The following ANK3 variants were observed in gnomAD, a reference collection of about 807,000 sequenced individuals.
ANK3 encodes ankyrin-3.
In ANK3, 57 loss-of-function variants were observed where a neutral mutation model predicts 370.9. That is an observed-to-expected ratio of 0.15 (90% CI 0.12 to 0.19). The LOEUF (loss-of-function observed/expected upper bound fraction) is 0.19, where lower values mean the gene tolerates loss of function less well. Ranked by LOEUF, ANK3 falls within the 10% of genes least tolerant of loss-of-function variation. The probability of loss-of-function intolerance (pLI) is 1.00; values close to 1 mark genes in which losing one functional copy is unlikely to be tolerated. For synonymous variants in ANK3, 1,929 were observed against 1,946.3 expected, an observed-to-expected ratio of 0.99 and a Z score of 0.23; for missense variants, 4,439 against 5,302.1, an observed-to-expected ratio of 0.84 and a Z score of 5.06.
chr10:60,182,742 G>A (rs977850189), intron 17 of ANK3, among the ~76,000 whole-genome samples: 2 of 152,230 alleles, frequency 1.3e-5, no homozygotes, highest in African/African-American at 4.8e-5. Context: ...TGCAGAGAGA[G>A]TCAAGCTGGG....
At chr10:60,541,136 G>T (rs2076838107) in intron 2 of ANK3, among the ~76,000 whole-genome samples, 3 of 151,852 alleles carry the variant, frequency 2.0e-5, no homozygotes. Flanking sequence ...CTTCAGGAAA[G>T]AACATATAAT....
rs763281984 is a variant in ANK3, at chr10:60,579,326, T to TAAAA, written c.96+35856_96+35859dup. 3.2e-3 allele frequency among the ~76,000 whole-genome samples: 219 copies of TAAAA among 68,644 alleles called. 6 individuals carry two copies. The highest frequency in any genetic ancestry group is 9.3e-3 in the Middle Eastern group (1 of 108). 45.0% of individuals were successfully genotyped at this position (68,644 alleles called of 152,430 possible). On this transcript the variant is annotated intron_variant, in intron 2 of 43. Transcript: ENST00000373827. ...GCACCAGAGCGAGACTCTCTCTCAA[T>TAAAA]AAAAAAAAAAAAAAAAAAAAAAAAG...
Position 60,055,915 on chromosome 10 carries a change from A to G in ANK3, c.12808T>C (p.Ser4270Pro). Residue 4270 changes from serine (S) to proline (P), a missense_variant, in exon 42 of 44, where the codon TCC becomes CCC. This residue lies in a region of ANK3 where 242 missense variants were observed against 228.0 expected (regional missense o/e 1.06). Coordinates refer to ENST00000280772, the MANE Select transcript of ANK3 (RefSeq NM_020987.5). ...EAKTKSYFPE[S>P]QNDVGKQSTK... ...CTCTGTTTTCCTACATCATTTTGGG[A>G]TTCTGGAAAGTAAGATTTTGTCTTT... 2 of 1,614,002 alleles carry G rather than the reference A, an allele frequency of 1.2e-6. No individual in the cohort carries two copies. The highest frequency in any genetic ancestry group is 1.3e-5 in the African/African-American group (1 of 74,972).
intron 1 of ANK3, among the ~76,000 whole-genome samples, chr10:60,660,998 G>A (rs1354949044): frequency 3.9e-5 from 6 of 151,992 alleles, no homozygotes; most frequent in African/African-American, 1.4e-4. Flanking sequence ...ATATCAAGAA[G>A]TTTAGGCTTA....
intron 1 of ANK3, among the ~76,000 whole-genome samples, chr10:60,367,792 T>C (rs1284194362): frequency 6.6e-6 from 1 of 152,222 alleles, no homozygotes; most frequent in Non-Finnish European, 1.5e-5. Flanking sequence ...AGGCGAGCTT[T>C]CTCTTTAAAA....
intron 23 of ANK3, chr10:60,144,338 G>A (rs1482042663): frequency 1.4e-5 from 4 of 293,278 alleles, no homozygotes; most frequent in African/African-American, 2.3e-5. Flanking sequence ...TAAATGATGT[G>A]CATACACAAA....
At chr10:60,096,071 G>A (rs2090072107) in intron 28 of ANK3, among the ~76,000 whole-genome samples, 1 of 152,160 alleles carries the variant, frequency 6.6e-6, no homozygotes, top group East Asian at 1.9e-4. Flanking sequence ...CTATCGGGAG[G>A]CTGAGGCAGG....
At chr10:60,653,877 C>A (rs1455008336) in intron 1 of ANK3, among the ~76,000 whole-genome samples, 1 of 152,086 alleles carries the variant, frequency 6.6e-6, no homozygotes, top group East Asian at 1.9e-4. Context: ...CAAAAACAAA[C>A]AAAATTGCTT....
At chr10:60,044,524 T>C (rs7900212) in intron 42 of ANK3, 81,236 of 164,082 alleles carry the variant, frequency 0.5, 21,728 homozygotes, top group East Asian at 0.77. Context: ...GTCAACAACA[T>C]TCAAGCATTA....
At chr10:60,255,050 C>T (rs1281962873) in intron 7 of ANK3, among the ~76,000 whole-genome samples, 3 of 152,084 alleles carry the variant, frequency 2.0e-5, no homozygotes, top group Non-Finnish European at 4.4e-5. Flanking sequence ...TGGGAGAGAG[C>T]TATATTTTAT....
intron 23 of ANK3, chr10:60,145,817 A>AG: frequency 1.7e-6 from 1 of 574,918 alleles, no homozygotes. Context: ...CTTGAGGGCA[A>AG]GGGGGCTTTG....
intron 36 of ANK3, 22 bp from the exon 37 acceptor site, chr10:60,076,470 G>A: frequency 6.5e-7 from 1 of 1,537,996 alleles, no homozygotes; most frequent in Non-Finnish European, 8.7e-7. Context: ...ATTTTAAAAT[G>A]AAATCAAACA....
rs1170312298 is a variant in ANK3 at position 60,240,302 on chromosome 10, A to ATTTTTT, written c.799-5517_799-5516insAAAAAA. On this transcript the variant is annotated intron_variant, in intron 7 of 43. Transcript: ENST00000280772. ...CACACATATATATATATATATATAT[A>ATTTTTT]TATATTTTTTTTTCTTTTTGAGATA... Among the ~76,000 whole-genome samples the ATTTTTT allele has an allele frequency of 4.5e-5, 4 of 88,120 alleles. No individual in the cohort carries two copies. In the East Asian group the frequency reaches 1.1e-3, roughly 23 times the overall value. The allele number at this position is 88,120 out of a possible 152,430, so 57.8% of individuals were successfully genotyped here. A position where few individuals can be genotyped will look rare whatever the true frequency, so the allele number is the denominator to read the frequency against.
chr10:60,265,811 G>T (rs78343685), intron 5 of ANK3, among the ~76,000 whole-genome samples: 303 of 152,214 alleles, frequency 2.0e-3, no homozygotes, highest in African/African-American at 7.0e-3. Context: ...TCCAAGATGT[G>T]CAAAACATTG....
At chr10:60,440,220 C>A (rs2064265468) in intron 2 of ANK3, among the ~76,000 whole-genome samples, 1 of 152,120 alleles carries the variant, frequency 6.6e-6, no homozygotes, top group South Asian at 2.1e-4. Context: ...GGTCTCAGAG[C>A]AGCTGTACGA....
chr10:60,696,102 C>G (rs2079445071), intron 1 of ANK3, among the ~76,000 whole-genome samples: 1 of 150,462 alleles, frequency 6.6e-6, no homozygotes, highest in Non-Finnish European at 1.5e-5. Flanking sequence ...TACAAACTAC[C>G]ATCAGAGAAT....
At chr10:60,168,945 T>A (rs2095700017) in intron 21 of ANK3, among the ~76,000 whole-genome samples, 1 of 152,266 alleles carries the variant, frequency 6.6e-6, no homozygotes, top group South Asian at 2.1e-4. Flanking sequence ...CAGTCTATCA[T>A]TGATGGGCAT....
chr10:60,059,189 C>T (rs1306102008), intron 41 of ANK3, 151 bp downstream of exon 41: 19 of 605,674 alleles, frequency 3.1e-5, no homozygotes, highest in Admixed American at 2.9e-4. Flanking sequence ...CTTTCCTTTC[C>T]AGATTAGCAT....
At chr10:60,338,793 C>G (rs866095837) in intron 1 of ANK3, among the ~76,000 whole-genome samples, 10 of 152,176 alleles carry the variant, frequency 6.6e-5, no homozygotes, top group Admixed American at 3.3e-4. Flanking sequence ...TCCCCCATAG[C>G]GGGAGTTTAA....
Sources: allele counts gnomAD v4.1 joint callset (sites outside exome capture counted in the v4.1 genomes callset), GRCh38; gene constraint gnomAD v4.1.1; regional missense constraint gnomAD v4.1.1; transcripts MANE v1.5; gene names NCBI Gene and HGNC (gene_info 2026-07-23, HGNC 2026-07-21).